The following GRM7 variants were observed in gnomAD, a reference collection of about 807,000 sequenced individuals.
GRM7 encodes the protein glutamate metabotropic receptor 7.
In GRM7, 35 loss-of-function variants were observed where a neutral mutation model predicts 84.5. The observed-to-expected ratio is 0.41, with a 90% CI of 0.32 to 0.55. The LOEUF is 0.55. Ranked by LOEUF, GRM7 falls within the 20% of genes least tolerant of loss-of-function variation. GRM7 has a pLI of 0.19. For missense variants in GRM7, 1,003 were observed against 1,194.6 expected (o/e 0.84, Z 2.36); for synonymous variants, 487 against 455.1 (o/e 1.07, Z -0.89).
intron 1 of GRM7, among the ~76,000 whole-genome samples, chr3:7,138,152 C>A (rs972341135): frequency 6.6e-6 from 1 of 151,938 alleles, no homozygotes; most frequent in Non-Finnish European, 1.5e-5. Flanking sequence ...ATTCACTTGG[C>A]TATCTACTCA....
chr3:7,349,771 G>A (rs1693053017), intron 4 of GRM7, among the ~76,000 whole-genome samples: 1 of 151,928 alleles, frequency 6.6e-6, no homozygotes, highest in South Asian at 2.1e-4. Flanking sequence ...AATTGTCAAG[G>A]GTATAGATGA....
At position 7,415,157 on chromosome 3, in the gene GRM7, T is replaced by A. The variant is rs1336697748; in HGVS notation, c.1168T>A (p.Cys390Ser). ...GSKKEDTDRK[C>S]TGQERIGKDS... ...AAAAAAAGAAGACACAGATCGCAAA[T>A]GCACAGGTAATTTAATTCTCGTTGT... The change falls in exon 5 of 10, where the codon TGC (cysteine) becomes AGC (serine). Residue 390 changes from cysteine (C) to serine (S), a missense_variant. By Grantham distance (112) the Cys-to-Ser change is moderately radical. Around this residue, in one of 2 missense-constraint regions of GRM7, gnomAD observed 910 missense variants for 1,126.0 expected, o/e 0.81. Coordinates refer to ENST00000357716, the MANE Select transcript of GRM7 (RefSeq NM_000844.4). The A allele has an allele frequency of 6.2e-7, 1 of 1,612,690 alleles. No homozygotes were observed.
intron 2 of GRM7, among the ~76,000 whole-genome samples, chr3:7,182,062 C>T (rs958804576): frequency 1.3e-5 from 2 of 151,966 alleles, no homozygotes; most frequent in Admixed American, 6.6e-5. Flanking sequence ...TAGTACAAAC[C>T]AAAAACAGTG....
chr3:7,352,052 A>AC (rs1436361307), intron 4 of GRM7, among the ~76,000 whole-genome samples: 22 of 110,324 alleles, frequency 2.0e-4, no homozygotes, highest in East Asian at 1.7e-3. Context: ...ACACACACAC[A>AC]CACACCACAC....
intron 9 of GRM7, among the ~76,000 whole-genome samples, chr3:7,697,983 GA>G (rs1701082872): frequency 6.6e-6 from 1 of 152,320 alleles, no homozygotes; most frequent in African/African-American, 2.4e-5. Context: ...TATTAAGTCT[GA>G]AAAGAAAGAA....
chr3:7,398,380 T>A (rs1182242969), intron 4 of GRM7, among the ~76,000 whole-genome samples: 1 of 152,126 alleles, frequency 6.6e-6, no homozygotes, highest in Admixed American at 6.6e-5. Flanking sequence ...CTCTTTGTTA[T>A]CATCAAGAGG....
intron 2 of GRM7, among the ~76,000 whole-genome samples, chr3:7,273,605 C>A (rs1053717800): frequency 6.6e-6 from 1 of 152,020 alleles, no homozygotes; most frequent in Non-Finnish European, 1.5e-5. Context: ...TCATGAAATA[C>A]CCTTTTTGTC....
chr3:7,367,656 A>T (rs1287979905), intron 4 of GRM7, among the ~76,000 whole-genome samples: 2 of 151,912 alleles, frequency 1.3e-5, no homozygotes, highest in Non-Finnish European at 2.9e-5. Flanking sequence ...AATTCTTCCA[A>T]TATCTTATTA....
intron 7 of GRM7, among the ~76,000 whole-genome samples, chr3:7,497,610 GC>G (rs1699751430): frequency 6.6e-6 from 1 of 152,016 alleles, no homozygotes; most frequent in South Asian, 2.1e-4. Context: ...ATTCTTTTGT[GC>G]CCTTTAATAA....
chr3:6,933,506 A>T (rs1190355131), intron 1 of GRM7, among the ~76,000 whole-genome samples: 1 of 152,194 alleles, frequency 6.6e-6, no homozygotes, highest in Non-Finnish European at 1.5e-5. Context: ...AATTTATGCA[A>T]AGTCAACTCC....
intron 8 of GRM7, among the ~76,000 whole-genome samples, chr3:7,600,578 C>T (rs1267290453): frequency 2.0e-5 from 3 of 152,106 alleles, no homozygotes; most frequent in Admixed American, 1.3e-4. Flanking sequence ...TGCCTGTCTA[C>T]CTGTGTGCCC....
At chr3:7,367,723 G>GAA (rs942683166) in intron 4 of GRM7, among the ~76,000 whole-genome samples, 8 of 148,562 alleles carry the variant, frequency 5.4e-5, no homozygotes, top group Admixed American at 2.0e-4. Context: ...GAGAGAAGGA[G>GAA]AAAAAAAAAG....
At chr3:7,181,291 G>A (rs1287784875) in intron 2 of GRM7, among the ~76,000 whole-genome samples, 4 of 152,040 alleles carry the variant, frequency 2.6e-5, no homozygotes, top group South Asian at 2.1e-4. Flanking sequence ...TCTATTAAAG[G>A]CCTTTCAATT....
chr3:7,288,745 A>T (rs1425722086), intron 2 of GRM7, among the ~76,000 whole-genome samples: 1 of 152,184 alleles, frequency 6.6e-6, no homozygotes, highest in Non-Finnish European at 1.5e-5. Flanking sequence ...TAGTATATAG[A>T]TGATTTTTAA....
At chr3:7,286,109 C>A (rs1699422718) in intron 2 of GRM7, among the ~76,000 whole-genome samples, 1 of 152,174 alleles carries the variant, frequency 6.6e-6, no homozygotes, top group Admixed American at 6.5e-5. Context: ...GTACTTTCCC[C>A]TCATGGGAAG....
intron 4 of GRM7, among the ~76,000 whole-genome samples, chr3:7,361,192 C>T (rs1049931281): frequency 3.3e-5 from 5 of 152,164 alleles, no homozygotes; most frequent in Non-Finnish European, 5.9e-5. Context: ...TTCCAAAAAG[C>T]CATGTTAGAT....
At chr3:7,341,355 C>T (rs571420474) in intron 4 of GRM7, among the ~76,000 whole-genome samples, 10 of 146,524 alleles carry the variant, frequency 6.8e-5, no homozygotes, top group East Asian at 2.0e-4. Flanking sequence ...TTACAAATAA[C>T]GGTAAAATTC....
chr3:7,683,412 C>G (rs1336992233), intron 9 of GRM7, among the ~76,000 whole-genome samples: 2 of 152,144 alleles, frequency 1.3e-5, no homozygotes, highest in African/African-American at 2.4e-5. Flanking sequence ...CTTTTTCTCA[C>G]CACCAGCTGG....
chr3:7,004,227 G>A (rs1051547162), intron 1 of GRM7, among the ~76,000 whole-genome samples: 3 of 152,092 alleles, frequency 2.0e-5, no homozygotes, highest in African/African-American at 7.2e-5. Flanking sequence ...GATAACAGGA[G>A]GTGAGAATAA....
Sources: allele counts gnomAD v4.1 joint callset (sites outside exome capture counted in the v4.1 genomes callset), GRCh38; gene constraint gnomAD v4.1.1; regional missense constraint gnomAD v4.1.1; transcripts MANE v1.5; gene names NCBI Gene and HGNC (gene_info 2026-07-23, HGNC 2026-07-21).